Variants in ME1 observed in about 807,000 individuals in gnomAD.
ME1 encodes the protein malic enzyme 1.
Under a neutral mutation model 66.4 loss-of-function variants are expected in ME1, and 74 were observed. That is an observed-to-expected ratio of 1.11 (90% CI 0.92 to 1.35). The LOEUF is 1.35. ME1 is among the 40% of genes most tolerant of loss of function. The pLI, the probability that ME1 is intolerant of heterozygous loss-of-function variation, is 0.00. For missense variants in ME1, 750 were observed against 694.1 expected, an observed-to-expected ratio of 1.08 and a Z score of -0.90; for synonymous variants, 251 against 235.6, an observed-to-expected ratio of 1.07 and a Z score of -0.60.
intron 2 of ME1, among the ~76,000 whole-genome samples, chr6:83,401,563 T>C (rs1468547224): frequency 1.3e-5 from 2 of 152,140 alleles, no homozygotes; most frequent in Non-Finnish European, 2.9e-5. Context: ...GAAGATGTTA[T>C]GGAACAAATG....
At chr6:83,308,676 T>A (rs1583371396) in intron 6 of ME1, among the ~76,000 whole-genome samples, 1 of 151,038 alleles carries the variant, frequency 6.6e-6, no homozygotes, top group South Asian at 2.1e-4. Context: ...TGAGTACTTA[T>A]CACATACTAG....
intron 1 of ME1, among the ~76,000 whole-genome samples, chr6:83,416,543 CTA>C (rs1156862335): frequency 2.4e-4 from 36 of 152,250 alleles, no homozygotes; most frequent in Non-Finnish European, 4.7e-4. Context: ...TTCACAAACT[CTA>C]TGAGATTTAG....
intron 3 of ME1, among the ~76,000 whole-genome samples, chr6:83,369,012 A>C (rs1769147708): frequency 6.6e-6 from 1 of 152,196 alleles, no homozygotes; most frequent in Non-Finnish European, 1.5e-5. Context: ...AAGAAAATAG[A>C]CTTTATTATT....
intron 3 of ME1, among the ~76,000 whole-genome samples, chr6:83,370,974 C>T (rs1307619811): frequency 6.6e-6 from 1 of 152,036 alleles, no homozygotes; most frequent in African/African-American, 2.4e-5. Flanking sequence ...ATTCAATTAC[C>T]TCTAAACATA....
At chr6:83,309,870 G>A (rs1226744768) in intron 6 of ME1, among the ~76,000 whole-genome samples, 5 of 151,966 alleles carry the variant, frequency 3.3e-5, no homozygotes, top group African/African-American at 1.2e-4. Context: ...GAAAGCAAGG[G>A]GAGTGTGCTA....
At chr6:83,366,455 G>C (rs1769102153) in intron 3 of ME1, among the ~76,000 whole-genome samples, 1 of 151,978 alleles carries the variant, frequency 6.6e-6, no homozygotes, top group Admixed American at 6.6e-5. Context: ...CTTGAAGTCA[G>C]GAATTTTGTG....
chr6:83,254,829 C>T (rs1260874006), intron 6 of ME1, among the ~76,000 whole-genome samples: 1 of 151,990 alleles, frequency 6.6e-6, no homozygotes, highest in Non-Finnish European at 1.5e-5. Flanking sequence ...ATTTTAAGAC[C>T]ACCTCCCTTG....
At chr6:83,333,186 G>C (rs1768448748) in intron 5 of ME1, among the ~76,000 whole-genome samples, 1 of 152,036 alleles carries the variant, frequency 6.6e-6, no homozygotes. Context: ...AAATTTGCTA[G>C]GTTATTCTGG....
At chr6:83,332,923 A>T (rs1018423375) in intron 5 of ME1, among the ~76,000 whole-genome samples, 8 of 152,172 alleles carry the variant, frequency 5.3e-5, no homozygotes, top group African/African-American at 1.9e-4. Context: ...TAAAAATAAA[A>T]AAATAAGAAT....
intron 6 of ME1, among the ~76,000 whole-genome samples, chr6:83,291,783 C>T (rs549462994): frequency 1.5e-4 from 23 of 152,224 alleles, no homozygotes; most frequent in African/African-American, 1.9e-4. Context: ...GGTCTTTTCA[C>T]GTAGTCCCAT....
intron 3 of ME1, among the ~76,000 whole-genome samples, chr6:83,365,341 T>A (rs907732325): frequency 6.6e-6 from 1 of 152,048 alleles, no homozygotes; most frequent in Non-Finnish European, 1.5e-5. Context: ...TGATCCACCT[T>A]TCTCGGCCTC....
At chr6:83,243,397 T>C (rs535202288) in intron 7 of ME1, among the ~76,000 whole-genome samples, 72 of 60,136 alleles carry the variant, frequency 1.2e-3, no homozygotes, top group African/African-American at 7.6e-3. Flanking sequence ...TATATTTATA[T>C]AATATATTAT....
chr6:83,279,370 T>A (rs1358344596), intron 6 of ME1, among the ~76,000 whole-genome samples: 1 of 152,204 alleles, frequency 6.6e-6, no homozygotes, highest in Non-Finnish European at 1.5e-5. Flanking sequence ...ATAGTGGAAA[T>A]TTTGGAATAA....
At chr6:83,412,782 G>T (rs2128552593) in intron 1 of ME1, among the ~76,000 whole-genome samples, 1 of 152,248 alleles carries the variant, frequency 6.6e-6, no homozygotes, top group East Asian at 1.9e-4. Context: ...AAAAAGCAAA[G>T]TTATATGAAT....
intron 5 of ME1, among the ~76,000 whole-genome samples, chr6:83,325,118 T>C: frequency 6.6e-6 from 1 of 152,154 alleles, no homozygotes; most frequent in Non-Finnish European, 1.5e-5. Context: ...AAAAACCACA[T>C]GATTATCTCA....
chr6:83,213,163 G>A (rs1789928169), intron 13 of ME1, among the ~76,000 whole-genome samples: 1 of 151,204 alleles, frequency 6.6e-6, no homozygotes, highest in South Asian at 2.1e-4. Flanking sequence ...AGTGGCTCAT[G>A]CCTGTAATCC....
intron 6 of ME1, among the ~76,000 whole-genome samples, chr6:83,304,344 T>C (rs1205242811): frequency 6.6e-6 from 1 of 152,198 alleles, no homozygotes; most frequent in Non-Finnish European, 1.5e-5. Flanking sequence ...CAAACCATGG[T>C]AAATTAACTG....
At chr6:83,331,722 T>A (rs1768415475) in intron 5 of ME1, among the ~76,000 whole-genome samples, 1 of 152,084 alleles carries the variant, frequency 6.6e-6, no homozygotes, top group African/African-American at 2.4e-5. Flanking sequence ...ACCAACACAT[T>A]GATCTTGGAC....
intron 6 of ME1, among the ~76,000 whole-genome samples, chr6:83,306,399 A>G (rs1270495777): frequency 6.6e-6 from 1 of 152,022 alleles, no homozygotes. Flanking sequence ...ATAATCTAAT[A>G]ATTTAGCTTT....
Sources: gnomAD v4.1 joint callset for allele counts (sites outside exome capture counted in the v4.1 genomes callset) on GRCh38, gnomAD v4.1.1 for gene constraint, MANE v1.5 for transcripts, NCBI Gene and HGNC (gene_info 2026-07-23, HGNC 2026-07-21) for gene names.